Variants in OXNAD1 observed in about 807,000 individuals in gnomAD.
The protein encoded by OXNAD1 is oxidoreductase NAD-binding domain-containing protein 1.
A neutral mutation model predicts 32.9 loss-of-function variants in OXNAD1; 34 were observed. The ratio of observed to expected loss-of-function variants is 1.03; its 90% CI spans 0.79 to 1.38. OXNAD1 has a LOEUF of 1.38. Among genes scored for constraint, OXNAD1 ranks in the 40% most tolerant of loss-of-function variants. The pLI is 0.00. For synonymous variants in OXNAD1, 134 were observed against 135.2 expected (o/e 0.99, Z 0.06); for missense variants, 407 against 379.4 (o/e 1.07, Z -0.60).
Position 16,344,740 on chromosome 3 carries a change from C to A in OXNAD1, c.*31-4436C>A, listed in dbSNP as rs908388218. 1.3e-5 allele frequency among the ~76,000 whole-genome samples: 2 copies of A among 152,164 alleles called. No homozygotes were observed. On this transcript the variant is annotated intron_variant, in intron 9 of 9. Transcript: ENST00000606098. The surrounding 1 kb of genome is among the most constrained non-coding windows in gnomAD (Gnocchi z 4.4). ...AATGAAAGCACATCGTTGCCAAGTGCGGCCTCTCAATCAGTTATACACCAC... is the reference window on the plus strand; with the variant it reads ...AATGAAAGCACATCGTTGCCAAGTGAGGCCTCTCAATCAGTTATACACCAC...
At chr3:16,292,445 G>A (rs1225846330) in intron 5 of OXNAD1, among the ~76,000 whole-genome samples, 1 of 151,992 alleles carries the variant, frequency 6.6e-6, no homozygotes, top group African/African-American at 2.4e-5. Context: ...CACCCACCTC[G>A]GCCTCCCAAA....
chr3:16,267,462 T>TACCAGCAGTGTG (rs2064609323), intron 1 of OXNAD1, among the ~76,000 whole-genome samples: 1 of 152,214 alleles, frequency 6.6e-6, no homozygotes, highest in African/African-American at 2.4e-5. Context: ...CTTACCAGCT[T>TACCAGCAGTGTG]ACTGCTCTCC....
intron 9 of OXNAD1, among the ~76,000 whole-genome samples, chr3:16,328,118 G>A (rs2069917023): frequency 6.6e-6 from 1 of 152,234 alleles, no homozygotes; most frequent in South Asian, 2.1e-4. Context: ...GGCTAGCAGG[G>A]GCAACAGCAC....
At chr3:16,295,253 T>A (rs2066703145) in intron 6 of OXNAD1, among the ~76,000 whole-genome samples, 1 of 152,216 alleles carries the variant, frequency 6.6e-6, no homozygotes, top group African/African-American at 2.4e-5. Context: ...TATTTTATAT[T>A]TTAGACAAGT....
At position 16,298,662 on chromosome 3, in the gene OXNAD1, C is replaced by T. The variant is rs1322421110; in HGVS notation, c.433-2964C>T. Among the ~76,000 whole-genome samples the T allele has an allele frequency of 6.6e-6, 1 of 152,062 alleles. No homozygotes were observed. The highest frequency in any genetic ancestry group is 1.5e-5 in the Non-Finnish European group (1 of 68,010). On this transcript the variant is annotated intron_variant, in intron 6 of 8. Coordinates refer to ENST00000285083, the MANE Select transcript of OXNAD1 (RefSeq NM_138381.5). The surrounding 1 kb of genome is among the most constrained non-coding windows in gnomAD (Gnocchi z 5.1). ...GTGTCTGGGTGGCAGCAGGCTGCAC[C>T]GTTGAGACATGGAATAAAGTGCCAT... is the stretch of plus-strand genomic sequence containing the variant.
downstream of OXNAD1, among the ~76,000 whole-genome samples, chr3:16,310,587 G>A (rs116446963): frequency 1.3e-5 from 2 of 152,162 alleles, no homozygotes; most frequent in Non-Finnish European, 2.9e-5. Flanking sequence ...CTGGATGAAT[G>A]AATATCTCTA....
chr3:16,310,016 C>T (rs2067856753), downstream of OXNAD1, among the ~76,000 whole-genome samples: 1 of 152,100 alleles, frequency 6.6e-6, no homozygotes, highest in African/African-American at 2.4e-5. Flanking sequence ...TGGACTGAAG[C>T]AAGGGAAAAG....
downstream of OXNAD1, chr3:16,339,839 T>C (rs1400463948): frequency 6.6e-6 from 1 of 152,218 alleles, no homozygotes; most frequent in Non-Finnish European, 1.5e-5. Flanking sequence ...TAATTAGTTG[T>C]TGAGTGAGTG....
rs945430878 is a variant in OXNAD1, at chr3:16,297,624, AC to A, written c.432+2628del. Among the ~76,000 whole-genome samples the A allele has an allele frequency of 2.6e-5, 4 of 152,328 alleles. No homozygotes were observed. Among genetic ancestry groups the A allele is most frequent in the South Asian group, 2.1e-4 (1 of 4,826 alleles). The stretch of plus-strand genomic sequence containing the variant: ...ATGTCCCTCAGCAGGTGAATGGATA[AC>A]TTGTGATATAGTCATACAAGGGACT... On this transcript the variant is annotated intron_variant, in intron 6 of 8. Coordinates refer to ENST00000285083, the MANE Select transcript of OXNAD1 (RefSeq NM_138381.5). This position sits in a 1 kb window ranked among gnomAD's most constrained non-coding sequence, Gnocchi z 4.3.
chr3:16,326,032 T>C (rs1055663154), intron 9 of OXNAD1, among the ~76,000 whole-genome samples: 1 of 152,194 alleles, frequency 6.6e-6, no homozygotes, highest in African/African-American at 2.4e-5. Flanking sequence ...TAGCCTTAAG[T>C]ATGTGACCAA....
chr3:16,344,339 T>C lies in OXNAD1; in HGVS notation c.*31-4837T>C, dbSNP rs2071501352. 1.3e-5 allele frequency among the ~76,000 whole-genome samples: 2 copies of C among 152,008 alleles called. No homozygotes were observed. The highest frequency in any genetic ancestry group is 2.4e-5 in the African/African-American group (1 of 41,366). ...ATCAGTAATTTTCAAGGTTTTTTTTTTTTAATTAGTAGGATGCTTCCTATA... is the reference window on the plus strand; with the variant it reads ...ATCAGTAATTTTCAAGGTTTTTTTTCTTTAATTAGTAGGATGCTTCCTATA... On this transcript the variant is annotated intron_variant, in intron 9 of 9. Coordinates refer to the OXNAD1 transcript ENST00000606098. The surrounding 1 kb of genome is among the most constrained non-coding windows in gnomAD (Gnocchi z 4.4).
In OXNAD1 at chr3:16,314,151, C is replaced by A. The variant is rs1315704568; in HGVS notation, c.*30+10559C>A. 1.3e-5 allele frequency among the ~76,000 whole-genome samples: 2 copies of A among 152,078 alleles called. No homozygotes were observed. Among genetic ancestry groups the A allele is most frequent in the Non-Finnish European group, 2.9e-5 (2 of 68,010 alleles). On this transcript the variant is annotated intron_variant, in intron 9 of 9. Coordinates refer to the OXNAD1 transcript ENST00000435829. The surrounding 1 kb of genome is among the most constrained non-coding windows in gnomAD (Gnocchi z 4.4). ...AGCTGCAGCCTCACAGACTTAACTGCCAAGTGCACAAGCTTCCTCATGCCA... is the reference window on the plus strand; with the variant it reads ...AGCTGCAGCCTCACAGACTTAACTGACAAGTGCACAAGCTTCCTCATGCCA...
At chr3:16,294,450 C>A (rs2066634520) in intron 5 of OXNAD1, among the ~76,000 whole-genome samples, 1 of 152,174 alleles carries the variant, frequency 6.6e-6, no homozygotes, top group Admixed American at 6.5e-5. Context: ...CTCAGGGGAT[C>A]CACCTGCTTT....
In OXNAD1 at chr3:16,289,092, C is replaced by T. The variant is rs137868404; in HGVS notation, c.290+2644C>T. ...CAAAGAGGGAGCAGTAGTATTCCTA[C>T]GTTTTGGGATATTTAAAGTGTTTAG... On this transcript the variant is annotated intron_variant, in intron 5 of 8. Coordinates refer to ENST00000285083, the MANE Select transcript of OXNAD1 (RefSeq NM_138381.5). The surrounding 1 kb of genome is among the most constrained non-coding windows in gnomAD (Gnocchi z 4.9). Among the ~76,000 whole-genome samples the T allele has an allele frequency of 5.5e-3, 838 of 152,314 alleles. 2 individuals are homozygous for T. Among genetic ancestry groups the T allele is most frequent in the Non-Finnish European group, 9.6e-3 (651 of 68,014 alleles).
chr3:16,345,362 A>G lies in OXNAD1; in HGVS notation c.*31-3814A>G, dbSNP rs567926808. ...TCTCAAACACATTGGGAAAACCTAA[A>G]GATATAGCCCCTGTTATCACATTGA... On this transcript the variant is annotated intron_variant, in intron 9 of 9. Transcript: ENST00000606098. This position sits in a 1 kb window ranked among gnomAD's most constrained non-coding sequence, Gnocchi z 5.2. 1 of 152,116 alleles carries G rather than the reference A, an allele frequency of 6.6e-6. No individual in the cohort carries two copies. The highest frequency in any genetic ancestry group is 1.9e-4 in the East Asian group (1 of 5,168). The allele number at this position is 152,116 out of a possible 1,614,324, so 9.4% of individuals were successfully genotyped here.
chr3:16,270,182 A>C (rs895689555), intron 2 of OXNAD1, among the ~76,000 whole-genome samples: 1 of 152,254 alleles, frequency 6.6e-6, no homozygotes, highest in African/African-American at 2.4e-5. Context: ...CAACATTGTC[A>C]CTACCACCTC....
At chr3:16,313,409 A>AT (rs1442939796) in intron 9 of OXNAD1, among the ~76,000 whole-genome samples, 1 of 152,006 alleles carries the variant, frequency 6.6e-6, no homozygotes, top group Non-Finnish European at 1.5e-5. Context: ...TGAAGCTTTT[A>AT]TCAGACCTGC....
intron 9 of OXNAD1, chr3:16,323,267 T>C: frequency 1.3e-6 from 1 of 772,058 alleles, no homozygotes. Context: ...CCTTGGGCTC[T>C]GCGAGCCCTT....
At chr3:16,282,231 C>G (rs1321832263) in intron 4 of OXNAD1, among the ~76,000 whole-genome samples, 1 of 151,616 alleles carries the variant, frequency 6.6e-6, no homozygotes, top group Non-Finnish European at 1.5e-5. Context: ...TAATAAGATA[C>G]TTAAAAAAGA....
Sources: gnomAD v4.1 joint callset for allele counts (sites outside exome capture counted in the v4.1 genomes callset) on GRCh38, gnomAD v4.1.1 for gene constraint, Gnocchi (gnomAD v3.1) non-coding constraint, MANE v1.5 for transcripts, NCBI Gene and HGNC (gene_info 2026-07-23, HGNC 2026-07-21) for gene names.